The following ADD1 variants were observed in gnomAD, a reference collection of about 807,000 sequenced individuals.
The protein encoded by ADD1 is alpha-adducin.
Under a neutral mutation model 80.5 loss-of-function variants are expected in ADD1, and 24 were observed. The ratio of observed to expected loss-of-function variants is 0.30; its 90% CI spans 0.22 to 0.42. ADD1 has a LOEUF of 0.42. Among genes scored for constraint, ADD1 ranks in the 10% least tolerant of loss-of-function variants. The pLI is 1.00. For missense variants in ADD1, 948 were observed against 1,019.0 expected (o/e 0.93, Z 0.95); for synonymous variants, 373 against 393.8 (o/e 0.95, Z 0.63).
intron 3 of ADD1, among the ~76,000 whole-genome samples, chr4:2,882,551 C>G (rs938338448): frequency 1.3e-5 from 2 of 152,216 alleles, no homozygotes; most frequent in African/African-American, 2.4e-5. Flanking sequence ...CAAATGTTAA[C>G]ATGACAAAGC....
At chr4:2,864,343 G>A (rs1456414001) in intron 1 of ADD1, among the ~76,000 whole-genome samples, 1 of 152,168 alleles carries the variant, frequency 6.6e-6, no homozygotes, top group African/African-American at 2.4e-5. Flanking sequence ...AACCCGGGAG[G>A]CGGAGGTTGC....
intron 14 of ADD1, among the ~76,000 whole-genome samples, chr4:2,921,802 A>G (rs188444505): frequency 8.3e-4 from 126 of 152,024 alleles, no homozygotes; most frequent in African/African-American, 3.0e-3. Context: ...CTTTTCACAT[A>G]GTCCCATATT....
intron 1 of ADD1, among the ~76,000 whole-genome samples, chr4:2,874,713 A>G (rs1278802780): frequency 6.6e-6 from 1 of 152,092 alleles, no homozygotes; most frequent in Non-Finnish European, 1.5e-5. Context: ...AAAAAACACT[A>G]ATTTCTTCAA....
intron 3 of ADD1, among the ~76,000 whole-genome samples, chr4:2,883,488 T>G (rs1303003674): frequency 6.6e-6 from 1 of 152,076 alleles, no homozygotes; most frequent in Non-Finnish European, 1.5e-5. Context: ...TCTTTCTTCT[T>G]TAGTTTGTTA....
chr4:2,910,562 G>A (rs929475721), intron 13 of ADD1, among the ~76,000 whole-genome samples: 4 of 152,102 alleles, frequency 2.6e-5, no homozygotes, highest in African/African-American at 4.8e-5. Context: ...TTTCTCTCAG[G>A]TGTGTGAGGG....
At chr4:2,913,833 T>G (rs1738490557) in intron 13 of ADD1, among the ~76,000 whole-genome samples, 1 of 152,004 alleles carries the variant, frequency 6.6e-6, no homozygotes, top group Non-Finnish European at 1.5e-5. Flanking sequence ...TTCTCCTGTT[T>G]CTATTTGGTT....
chr4:2,884,398 G>A, intron 3 of ADD1, 117 bp from the exon 4 acceptor site: 2 of 693,944 alleles, frequency 2.9e-6, no homozygotes, highest in South Asian at 6.8e-5. Flanking sequence ...GCTATCATAA[G>A]CACTACAGCC....
At chr4:2,916,798 T>A (rs1014772432) in intron 14 of ADD1, among the ~76,000 whole-genome samples, 9 of 152,236 alleles carry the variant, frequency 5.9e-5, no homozygotes, top group African/African-American at 2.2e-4. Flanking sequence ...TGGTTTTCTG[T>A]TCCTGTGTTA....
chr4:2,924,253 G>T (rs1018912716), intron 14 of ADD1, among the ~76,000 whole-genome samples: 2 of 152,218 alleles, frequency 1.3e-5, no homozygotes, highest in African/African-American at 4.8e-5. Flanking sequence ...GTCAGGCTTT[G>T]AAAAGGAAAT....
rs1460031115 is a variant in ADD1 at position 2,843,931 on chromosome 4, C to T, written c.-114C>T. 2 of 153,196 alleles carry T rather than the reference C, an allele frequency of 1.3e-5. No individual in the cohort carries two copies. The highest frequency in any genetic ancestry group is 2.9e-5 in the Non-Finnish European group (2 of 68,540). The allele number at this position is 153,196 out of a possible 1,614,324, so 9.5% of individuals were successfully genotyped here. A position where few individuals can be genotyped will look rare whatever the true frequency, so the allele number is the denominator to read the frequency against. ...GGCCTGGCGGGCCGCTGCTGCGGGC[C>T]AGGGGACGGGGGCGGAGCCGGAGCC... On this transcript the variant is annotated 5_prime_UTR_variant, in exon 1 of 16. Coordinates refer to ENST00000683351, the MANE Select transcript of ADD1 (RefSeq NM_001354761.2).
chr4:2,846,367 A>T lies in ADD1; in HGVS notation c.-21+2343A>T, dbSNP rs529722510. Among the ~76,000 whole-genome samples the T allele has an allele frequency of 1.1e-4, 17 of 152,338 alleles. No individual in the cohort carries two copies. In the South Asian group the frequency reaches 2.9e-3, roughly 26 times the overall value. On this transcript the variant is annotated intron_variant, in intron 1 of 15. Transcript: ENST00000683351. ...AAAACTGGTGGTTAGATCTAAAGGT[A>T]TGATCAGATTCAGCTTTACTTTTGT...
chr4:2,904,651 C>T, intron 9 of ADD1, 113 bp from the exon 10 acceptor site: 1 of 927,948 alleles, frequency 1.1e-6, no homozygotes, highest in Non-Finnish European at 1.7e-6. Context: ...ATTACTGAGT[C>T]ATAGGGTATG....
intron 1 of ADD1, among the ~76,000 whole-genome samples, chr4:2,848,016 G>A (rs1726514103): frequency 6.6e-6 from 1 of 152,046 alleles, no homozygotes; most frequent in Non-Finnish European, 1.5e-5. Context: ...GGAGTTCGAG[G>A]CCAGCCTGGC....
At chr4:2,917,203 C>G (rs573484720) in intron 14 of ADD1, among the ~76,000 whole-genome samples, 1 of 152,198 alleles carries the variant, frequency 6.6e-6, no homozygotes, top group African/African-American at 2.4e-5. Flanking sequence ...TCTGTTGTTT[C>G]CTCGCTTTTT....
intron 14 of ADD1, among the ~76,000 whole-genome samples, chr4:2,921,324 T>C (rs146654344): frequency 0.024 from 3,659 of 152,228 alleles, 139 homozygotes; most frequent in African/African-American, 0.083. Flanking sequence ...GAGATGGGGT[T>C]TCACCATGTT....
At chr4:2,898,613 G>A (rs1049403650) in intron 8 of ADD1, 82 bp downstream of exon 8, 21 of 1,178,692 alleles carry the variant, frequency 1.8e-5, no homozygotes, top group Non-Finnish European at 2.4e-5. Flanking sequence ...GATACTTATC[G>A]AGTAGGAGAG....
At position 2,926,318 on chromosome 4, in the gene ADD1, T is replaced by C. The variant is rs2109226805; in HGVS notation, c.2047+206T>C. ...GATTTGTATGTGAGCTGTGACCAGG[T>C]AGGAAGGCCGGCCTCGGGGGTCGGA... On this transcript the variant is annotated intron_variant, in intron 15 of 15. Transcript: ENST00000683351. The surrounding 1 kb of genome is among the most constrained non-coding windows in gnomAD (Gnocchi z 5.0). 1.4e-6 allele frequency: 1 copy of C among 714,784 alleles called. No homozygotes were observed. 44.3% of individuals were successfully genotyped at this position (714,784 alleles called of 1,614,324 possible).
rs758969688 is a variant in ADD1 at position 2,909,372 on chromosome 4, G to A, written c.1732G>A (p.Glu578Lys). Residue 578 changes from glutamate (E) to lysine (K), a missense_variant, in exon 13 of 16, where the codon GAA becomes AAA. Coordinates refer to ENST00000683351, the MANE Select transcript of ADD1 (RefSeq NM_001354761.2). Reference sequence around the variant, plus strand: ...TCTCTCTGACTGTACGGAAACTATCGAAGGGCTCGAGCTTACAGAGCAGAC... The same window carrying A: ...TCTCTCTGACTGTACGGAAACTATCAAAGGGCTCGAGCTTACAGAGCAGAC... ...APLSDCTETI[E>K]GLELTEQTFS... 8.4e-6 allele frequency: 13 copies of A among 1,550,314 alleles called. No homozygotes were observed. The African/African-American group carries it at 1.5e-4, about 18-fold the overall frequency.
chr4:2,920,489 CT>C (rs1266797086), intron 14 of ADD1, among the ~76,000 whole-genome samples: 2 of 152,230 alleles, frequency 1.3e-5, no homozygotes, highest in East Asian at 3.9e-4. Context: ...TCTCTAAGAA[CT>C]TGCTTTATGA....
Sources: gnomAD v4.1 joint callset for allele counts (sites outside exome capture counted in the v4.1 genomes callset) on GRCh38, gnomAD v4.1.1 for gene constraint, Gnocchi (gnomAD v3.1) non-coding constraint, MANE v1.5 for transcripts, NCBI Gene and HGNC (gene_info 2026-07-23, HGNC 2026-07-21) for gene names.